Variants in NRXN1 observed in about 807,000 individuals in gnomAD.
NRXN1 encodes neurexin 1.
Under a neutral mutation model 150.9 loss-of-function variants are expected in NRXN1, and 39 were observed. The observed-to-expected ratio is 0.26, with a 90% confidence interval of 0.20 to 0.34. The LOEUF is 0.34. NRXN1 is among the 10% of genes least tolerant of loss of function. The probability of loss-of-function intolerance (pLI) is 1.00; values close to 1 mark genes in which losing one functional copy is unlikely to be tolerated. For missense variants in NRXN1, 1,815 were observed against 1,949.9 expected (o/e 0.93, Z 1.30); for synonymous variants, 924 against 757.0 (o/e 1.22, Z -3.62).
intron 17 of NRXN1, among the ~76,000 whole-genome samples, chr2:50,430,009 A>C (rs1572940956): frequency 6.6e-6 from 1 of 152,256 alleles, no homozygotes; most frequent in Middle Eastern, 3.4e-3. Context: ...AACAGAATAC[A>C]CTCTGTCACA....
intron 17 of NRXN1, among the ~76,000 whole-genome samples, chr2:50,311,241 T>C (rs1373695732): frequency 6.6e-6 from 1 of 152,132 alleles, no homozygotes; most frequent in African/African-American, 2.4e-5. Context: ...CAAATCACAA[T>C]GAAGTTTCAT....
At chr2:50,276,107 C>A (rs2070422775) in intron 17 of NRXN1, among the ~76,000 whole-genome samples, 1 of 151,666 alleles carries the variant, frequency 6.6e-6, no homozygotes, top group South Asian at 2.1e-4. Context: ...CTTACTCAAC[C>A]ATAGAAACGT....
At chr2:50,226,302 A>C (rs972482077) in intron 18 of NRXN1, among the ~76,000 whole-genome samples, 3 of 152,008 alleles carry the variant, frequency 2.0e-5, no homozygotes, top group Non-Finnish European at 4.4e-5. Context: ...TAGTTTAAAA[A>C]CTTTTAAGTG....
intron 12 of NRXN1, among the ~76,000 whole-genome samples, chr2:50,525,815 G>C (rs1398767986): frequency 1.3e-5 from 2 of 152,144 alleles, no homozygotes; most frequent in African/African-American, 4.8e-5. Context: ...CTTCCCGGGG[G>C]GGAAATGGTA....
chr2:50,306,929 T>C (rs909213548), intron 17 of NRXN1, among the ~76,000 whole-genome samples: 4 of 152,204 alleles, frequency 2.6e-5, no homozygotes, highest in Non-Finnish European at 5.9e-5. Context: ...TATTAAACAA[T>C]ATATGCATTA....
intron 17 of NRXN1, among the ~76,000 whole-genome samples, chr2:50,263,285 T>A (rs954888375): frequency 2.0e-5 from 3 of 151,822 alleles, no homozygotes; most frequent in African/African-American, 7.3e-5. Flanking sequence ...TTCCTCAGAT[T>A]TGAAAGTTCT....
At chr2:50,388,230 T>C (rs1273357431) in intron 17 of NRXN1, among the ~76,000 whole-genome samples, 5 of 152,210 alleles carry the variant, frequency 3.3e-5, no homozygotes, top group African/African-American at 7.2e-5. Context: ...AGACTGATTA[T>C]GAATATACCA....
chr2:50,147,110 T>C (rs1574163026), intron 18 of NRXN1, among the ~76,000 whole-genome samples: 2 of 151,716 alleles, frequency 1.3e-5, no homozygotes, highest in African/African-American at 4.8e-5. Flanking sequence ...AGATGAATGG[T>C]AAAAGACCCC....
intron 21 of NRXN1, among the ~76,000 whole-genome samples, chr2:49,964,642 C>T (rs1676622435): frequency 6.6e-6 from 1 of 151,754 alleles, no homozygotes; most frequent in Admixed American, 6.6e-5. Flanking sequence ...GAGTTCGAGA[C>T]CAGCCTGGCC....
rs187396984 is a variant in NRXN1, at chr2:50,253,762, C to G, written c.3365-16792G>C. ...TCACCTTGCATCCCAGGGATAAAGC[C>G]GACTTGATCCTGGTGGATAAGCTTT... On this transcript the variant is annotated intron_variant, in intron 17 of 22. Transcript: ENST00000401669. 1.2e-4 allele frequency among the ~76,000 whole-genome samples: 18 copies of G among 152,222 alleles called. No individual in the cohort carries two copies. The East Asian group carries it at 3.1e-3, about 26-fold the overall frequency.
At chr2:50,633,108 T>C (rs1216855992) in intron 5 of NRXN1, 1 of 152,124 alleles carries the variant, frequency 6.6e-6, no homozygotes, top group Admixed American at 6.5e-5. Flanking sequence ...GCATTTACGG[T>C]TCTCCCTAGA....
At chr2:50,386,421 G>T (rs769900894) in intron 17 of NRXN1, among the ~76,000 whole-genome samples, 6 of 151,914 alleles carry the variant, frequency 3.9e-5, no homozygotes, top group African/African-American at 4.8e-5. Flanking sequence ...AAAAGTAATG[G>T]TTCATAGGAG....
At chr2:50,446,402 T>C (rs796617056) in intron 17 of NRXN1, among the ~76,000 whole-genome samples, 14 of 130,806 alleles carry the variant, frequency 1.1e-4, no homozygotes, top group African/African-American at 3.9e-4. Flanking sequence ...CTCCCCCTGC[T>C]TGCCCCTTCC....
At chr2:50,538,047 A>C (rs2093305435) in intron 10 of NRXN1, among the ~76,000 whole-genome samples, 1 of 152,210 alleles carries the variant, frequency 6.6e-6, no homozygotes, top group Non-Finnish European at 1.5e-5. Context: ...CAATATACTT[A>C]AGAACTGTGT....
intron 17 of NRXN1, among the ~76,000 whole-genome samples, chr2:50,450,056 T>C (rs2086816777): frequency 6.6e-6 from 1 of 152,172 alleles, no homozygotes. Flanking sequence ...GCCTCATCTG[T>C]TTACTTCTGT....
chr2:50,658,062 T>G (rs1686747769), intron 5 of NRXN1, among the ~76,000 whole-genome samples: 1 of 152,082 alleles, frequency 6.6e-6, no homozygotes, highest in Non-Finnish European at 1.5e-5. Flanking sequence ...AACTATTTCA[T>G]TGATGTGCTC....
intron 12 of NRXN1, among the ~76,000 whole-genome samples, chr2:50,528,222 G>A (rs1000889019): frequency 2.2e-5 from 3 of 134,886 alleles, no homozygotes; most frequent in Admixed American, 7.7e-5. Flanking sequence ...AGTAACTCTC[G>A]AAGTAAGAGG....
At position 50,374,481 on chromosome 2, in the gene NRXN1, T is replaced by C. The variant is rs748461237; in HGVS notation, c.3364+90961A>G. ...CTATCAACCATCATAAATAAACTCATAGACATAAGTGGAAGAGTTGGAAAG... is the reference window on the plus strand; with the variant it reads ...CTATCAACCATCATAAATAAACTCACAGACATAAGTGGAAGAGTTGGAAAG... On this transcript the variant is annotated intron_variant, in intron 17 of 22. Coordinates refer to ENST00000401669, the MANE Select transcript of NRXN1 (RefSeq NM_001330078.2). Among the ~76,000 whole-genome samples the C allele has an allele frequency of 5.3e-5, 8 of 152,108 alleles. No individual in the cohort carries two copies. In the East Asian group the frequency reaches 5.8e-4, roughly 11 times the overall value.
At chr2:49,984,469 G>T (rs2152511959) in intron 21 of NRXN1, among the ~76,000 whole-genome samples, 1 of 152,004 alleles carries the variant, frequency 6.6e-6, no homozygotes, top group Admixed American at 6.6e-5. Context: ...CCAAAATAAT[G>T]CTTATGAATA....
Sources: allele counts gnomAD v4.1 joint callset (sites outside exome capture counted in the v4.1 genomes callset), GRCh38; gene constraint gnomAD v4.1.1; transcripts MANE v1.5; gene names NCBI Gene and HGNC (gene_info 2026-07-23, HGNC 2026-07-21).